Variants in SLC14A2 observed in about 807,000 individuals in gnomAD.
SLC14A2 encodes the protein urea transporter 2.
Under a neutral mutation model 104.6 loss-of-function variants are expected in SLC14A2, and 91 were observed. The observed-to-expected ratio is 0.87, with a 90% confidence interval of 0.73 to 1.04. SLC14A2 has a LOEUF of 1.04. SLC14A2 is among the 50% of genes least tolerant of loss of function. The pLI is 0.00. For synonymous variants in SLC14A2, 476 were observed against 466.4 expected, an observed-to-expected ratio of 1.02 and a Z score of -0.27; for missense variants, 1,189 against 1,156.0, an observed-to-expected ratio of 1.03 and a Z score of -0.41.
At chr18:45,202,907 T>C in the SLC14A2 span, among the ~76,000 whole-genome samples, 969 of 151,934 alleles carry the variant, frequency 6.4e-3, 12 homozygotes, top group African/African-American at 0.022. Context: ...CTCTCAGTAA[T>C]GTGTAAAGAA....
intron 1 of SLC14A2, among the ~76,000 whole-genome samples, chr18:45,220,779 G>T (rs185888207): frequency 9.1e-4 from 138 of 152,280 alleles, no homozygotes; most frequent in South Asian, 1.5e-3. Context: ...AGACTAGGTG[G>T]CTTAAGCAAC....
At position 45,663,885 on chromosome 18, in the gene SLC14A2, A is replaced by G; in HGVS notation, c.1452A>G (p.Ser484=). Residue 484 remains serine, a synonymous_variant, in exon 11 of 20, where the codon TCA becomes TCG. Coordinates refer to ENST00000255226, the MANE Select transcript of SLC14A2 (RefSeq NM_007163.4). ...KHRSVFHIEW[S]SIRRRSKVFG... is the part of the protein sequence containing the mutation. ...GGAGTGTATTTCACATCGAGTGGTC[A>G]TCCATTCGGAGGAGGAGCAAAGGTG... 2 of 1,613,304 alleles carry G rather than the reference A, an allele frequency of 1.2e-6. No homozygotes were observed.
chr18:45,560,073 C>G (rs1053612818), intron 2 of SLC14A2, among the ~76,000 whole-genome samples: 1 of 152,184 alleles, frequency 6.6e-6, no homozygotes, highest in African/African-American at 2.4e-5. Context: ...TGCCCCCTCC[C>G]AGGGAGCTCA....
At chr18:45,384,113 T>C (rs1049306615) in intron 1 of SLC14A2, among the ~76,000 whole-genome samples, 6 of 152,230 alleles carry the variant, frequency 3.9e-5, no homozygotes, top group African/African-American at 1.4e-4. Context: ...AAATAGAGAT[T>C]GGAGGTAAAT....
intron 1 of SLC14A2, among the ~76,000 whole-genome samples, chr18:45,372,368 A>G (rs766728011): frequency 2.0e-5 from 3 of 151,866 alleles, no homozygotes; most frequent in Non-Finnish European, 2.9e-5. Context: ...TCTACACTAT[A>G]ATCATAGGGT....
intron 1 of SLC14A2, among the ~76,000 whole-genome samples, chr18:45,385,052 A>G (rs566073215): frequency 6.6e-6 from 1 of 152,330 alleles, no homozygotes; most frequent in African/African-American, 2.4e-5. Flanking sequence ...AGGATATTGT[A>G]ATTGTCCTCC....
At chr18:45,580,736 C>G (rs1028814076) in intron 2 of SLC14A2, among the ~76,000 whole-genome samples, 1 of 152,110 alleles carries the variant, frequency 6.6e-6, no homozygotes, top group East Asian at 1.9e-4. Context: ...GTCATATAAC[C>G]TGCTCAAGGT....
chr18:45,328,824 T>C (rs1420610125), intron 1 of SLC14A2, among the ~76,000 whole-genome samples: 4 of 152,218 alleles, frequency 2.6e-5, no homozygotes, highest in Non-Finnish European at 2.9e-5. Context: ...ATTTTTCTTA[T>C]AATACGTTCC....
chr18:45,341,069 AGGCTT>A (rs1227976788), intron 1 of SLC14A2, among the ~76,000 whole-genome samples: 3 of 152,224 alleles, frequency 2.0e-5, no homozygotes, highest in African/African-American at 7.2e-5. Flanking sequence ...GGCTGTAGAA[AGGCTT>A]GAATCATTTC....
chr18:45,181,395 C>T, the SLC14A2 span: 19,159 of 152,188 alleles, frequency 0.13, 1,323 homozygotes, highest in African/African-American at 0.18. Flanking sequence ...GGCAGAGGTA[C>T]AAAGCCTCAG....
upstream of SLC14A2, among the ~76,000 whole-genome samples, chr18:45,209,038 A>AGC (rs2083938518): frequency 6.6e-6 from 1 of 150,420 alleles, no homozygotes; most frequent in Non-Finnish European, 1.5e-5. Context: ...AAAAAAAAAA[A>AGC]AAACAACAAC....
intron 2 of SLC14A2, among the ~76,000 whole-genome samples, chr18:45,573,142 T>C (rs542947722): frequency 6.6e-6 from 1 of 152,282 alleles, no homozygotes; most frequent in East Asian, 1.9e-4. Flanking sequence ...TTTCAACTAA[T>C]AGATTGATTC....
chr18:45,680,291 G>C (rs929689532), intron 19 of SLC14A2, among the ~76,000 whole-genome samples: 1 of 152,214 alleles, frequency 6.6e-6, no homozygotes, highest in South Asian at 2.1e-4. Flanking sequence ...TCCTGATCAT[G>C]GATGTTTACA....
chr18:45,429,086 C>T (rs2086476241), intron 1 of SLC14A2, among the ~76,000 whole-genome samples: 1 of 152,170 alleles, frequency 6.6e-6, no homozygotes, highest in African/African-American at 2.4e-5. Flanking sequence ...GGACCATACT[C>T]CCTGAACAAG....
intron 11 of SLC14A2, among the ~76,000 whole-genome samples, chr18:45,665,661 T>C (rs7229972): frequency 0.75 from 111,423 of 147,888 alleles, 42,900 homozygotes; most frequent in Middle Eastern, 0.83. Flanking sequence ...GAACAGGAAG[T>C]GAAGGGCTTC....
intron 1 of SLC14A2, among the ~76,000 whole-genome samples, chr18:45,477,164 T>C (rs1327083026): frequency 2.0e-5 from 3 of 152,208 alleles, no homozygotes; most frequent in Non-Finnish European, 2.9e-5. Flanking sequence ...ATGGGGTTTT[T>C]GTGTGGACAT....
intron 2 of SLC14A2, among the ~76,000 whole-genome samples, chr18:45,506,991 G>A (rs1568248902): frequency 6.6e-6 from 1 of 152,338 alleles, no homozygotes; most frequent in East Asian, 1.9e-4. Flanking sequence ...ATACCCTGGA[G>A]GAGGTCACTT....
chr18:45,525,419 C>A (rs184500778), intron 2 of SLC14A2, among the ~76,000 whole-genome samples: 8 of 152,274 alleles, frequency 5.3e-5, no homozygotes, highest in African/African-American at 1.9e-4. Context: ...CCATGCATGT[C>A]TTGAAGAATG....
At chr18:45,231,500 C>G (rs1187684481) in intron 1 of SLC14A2, among the ~76,000 whole-genome samples, 2 of 152,218 alleles carry the variant, frequency 1.3e-5, no homozygotes, top group African/African-American at 2.4e-5. Context: ...TGAGCCACTA[C>G]ACCCCTCCCA....
Sources: gnomAD v4.1 joint callset for allele counts (sites outside exome capture counted in the v4.1 genomes callset) on GRCh38, gnomAD v4.1.1 for gene constraint, MANE v1.5 for transcripts, NCBI Gene and HGNC (gene_info 2026-07-23, HGNC 2026-07-21) for gene names.